Variants in TBC1D5 observed in about 807,000 individuals in gnomAD.
TBC1D5 encodes TBC1 domain family, member 5.
TBC1D5 carries 75 observed loss-of-function variants against 100.3 expected under a neutral mutation model. The ratio of observed to expected loss-of-function variants is 0.75; its 90% CI spans 0.62 to 0.91. The LOEUF (loss-of-function observed/expected upper bound fraction) is 0.91, where lower values mean the gene tolerates loss of function less well. Among genes scored for constraint, TBC1D5 ranks in the 40% least tolerant of loss-of-function variants. The pLI, the probability that TBC1D5 is intolerant of heterozygous loss-of-function variation, is 0.00. For missense variants in TBC1D5, 910 were observed against 942.4 expected, an observed-to-expected ratio of 0.97 and a Z score of 0.45; for synonymous variants, 323 against 325.6, an observed-to-expected ratio of 0.99 and a Z score of 0.09.
intron 16 of TBC1D5, among the ~76,000 whole-genome samples, chr3:17,244,345 C>T (rs542384038): frequency 1.3e-5 from 2 of 152,216 alleles, no homozygotes; most frequent in African/African-American, 4.8e-5. Flanking sequence ...GACAAAAGGA[C>T]CAAATAAGAG....
chr3:17,324,120 C>T (rs1389983801), intron 13 of TBC1D5, among the ~76,000 whole-genome samples: 1 of 152,084 alleles, frequency 6.6e-6, no homozygotes, highest in Non-Finnish European at 1.5e-5. Flanking sequence ...ACATCCACTA[C>T]AAAACAATGA....
At chr3:17,489,780 C>T (rs977456689) in intron 3 of TBC1D5, among the ~76,000 whole-genome samples, 2 of 152,144 alleles carry the variant, frequency 1.3e-5, no homozygotes, top group African/African-American at 2.4e-5. Context: ...GGGTAGATTC[C>T]ACTTCTTTGC....
intron 2 of TBC1D5, among the ~76,000 whole-genome samples, chr3:17,601,300 C>G (rs972142958): frequency 6.6e-6 from 1 of 152,104 alleles, no homozygotes; most frequent in Non-Finnish European, 1.5e-5. Context: ...CACCTGAGGT[C>G]GGGAGTTCAT....
At chr3:17,667,113 G>A (rs1180351290) in intron 1 of TBC1D5, among the ~76,000 whole-genome samples, 2 of 152,136 alleles carry the variant, frequency 1.3e-5, no homozygotes, top group Non-Finnish European at 2.9e-5. Context: ...CTAGCTGCTG[G>A]ATGAAAAGCT....
intron 1 of TBC1D5, among the ~76,000 whole-genome samples, chr3:17,728,316 TAGAA>T (rs1161616526): frequency 6.6e-6 from 1 of 152,120 alleles, no homozygotes; most frequent in African/African-American, 2.4e-5. Flanking sequence ...GCGTAAATAT[TAGAA>T]AGGAAGATGG....
chr3:17,168,422 C>T (rs2066854485), intron 19 of TBC1D5, among the ~76,000 whole-genome samples: 1 of 152,152 alleles, frequency 6.6e-6, no homozygotes, highest in Admixed American at 6.5e-5. Flanking sequence ...GTCTTTCCTC[C>T]AGGCCTGATC....
chr3:17,185,172 C>A, exon 19 of TBC1D5: 2 of 1,613,458 alleles, frequency 1.2e-6, no homozygotes, highest in Non-Finnish European at 1.7e-6. Context: ...TTCAACTGCC[C>A]TTGAAGGAAG....
At chr3:17,424,717 T>C (rs2149316892) in intron 4 of TBC1D5, among the ~76,000 whole-genome samples, 1 of 152,218 alleles carries the variant, frequency 6.6e-6, no homozygotes, top group Non-Finnish European at 1.5e-5. Context: ...AATGCAGCTG[T>C]ACTCTATCTG....
Position 17,641,240 on chromosome 3 carries a change from C to T in TBC1D5, c.-100-17327G>A, listed in dbSNP as rs74572400. On this transcript the variant is annotated intron_variant, in intron 1 of 21. Transcript: ENST00000253692. Reference sequence around the variant, plus strand: ...GCTTACTTAAATCATGCCCTTGATCCAGGAAAATCCCATGGTACCATTAAC... The same window carrying T: ...GCTTACTTAAATCATGCCCTTGATCTAGGAAAATCCCATGGTACCATTAAC... Among the ~76,000 whole-genome samples the T allele has an allele frequency of 4.5e-3, 689 of 152,076 alleles. 4 individuals are homozygous for T. The highest frequency in any genetic ancestry group is 0.016 in the African/African-American group (669 of 41,480).
chr3:17,380,633 G>A (rs758886197), intron 9 of TBC1D5, among the ~76,000 whole-genome samples: 23 of 151,948 alleles, frequency 1.5e-4, no homozygotes, highest in Non-Finnish European at 2.5e-4. Context: ...TAGATTGTTA[G>A]TAGTCACTGC....
At chr3:17,730,630 A>C (rs769159220) in intron 1 of TBC1D5, among the ~76,000 whole-genome samples, 1 of 152,230 alleles carries the variant, frequency 6.6e-6, no homozygotes, top group Non-Finnish European at 1.5e-5. Flanking sequence ...AACTACCCTC[A>C]ATGAGTCCTA....
At chr3:17,337,127 T>G (rs1354955738) in intron 13 of TBC1D5, among the ~76,000 whole-genome samples, 1 of 149,560 alleles carries the variant, frequency 6.7e-6, no homozygotes, top group South Asian at 2.1e-4. Context: ...TGAGAGGTTT[T>G]TTTTTTTTTT....
intron 3 of TBC1D5, among the ~76,000 whole-genome samples, chr3:17,462,480 T>C (rs2095232260): frequency 6.6e-6 from 1 of 151,914 alleles, no homozygotes; most frequent in South Asian, 2.1e-4. Flanking sequence ...GTCACCACAC[T>C]CAGCTAATTT....
chr3:17,480,935 G>A (rs1254166930), intron 3 of TBC1D5, among the ~76,000 whole-genome samples: 3 of 152,210 alleles, frequency 2.0e-5, no homozygotes, highest in Non-Finnish European at 2.9e-5. Context: ...GACTAAAAGA[G>A]CTATAACACA....
At chr3:17,227,848 A>G (rs2075054636) in intron 17 of TBC1D5, among the ~76,000 whole-genome samples, 1 of 135,360 alleles carries the variant, frequency 7.4e-6, no homozygotes, top group African/African-American at 2.9e-5. Context: ...AACCTAAAAT[A>G]AAAGTTTTTT....
intron 2 of TBC1D5, among the ~76,000 whole-genome samples, chr3:17,583,617 C>T (rs928147331): frequency 1.3e-5 from 2 of 152,140 alleles, no homozygotes; most frequent in South Asian, 4.1e-4. Flanking sequence ...GTCCCAGCTA[C>T]TCAGGGGGCT....
At chr3:17,476,652 G>GA (rs1219343394) in intron 3 of TBC1D5, among the ~76,000 whole-genome samples, 1 of 151,804 alleles carries the variant, frequency 6.6e-6, no homozygotes, top group Admixed American at 6.6e-5. Context: ...AATTTTGACT[G>GA]AAAAATACAC....
Position 17,281,191 on chromosome 3 carries a change from C to G in TBC1D5, c.1245+10704G>C, listed in dbSNP as rs1414939517. ...TCTTTACGTGTTTCAACCAAGACTT[C>G]TGAAAGATGGTTCCACGATGCTACT... On this transcript the variant is annotated intron_variant, in intron 15 of 21. Transcript: ENST00000253692. Among the ~76,000 whole-genome samples the G allele has an allele frequency of 3.3e-5, 5 of 152,202 alleles. No homozygotes were observed. The East Asian group carries it at 9.6e-4, about 29-fold the overall frequency.
At chr3:17,276,128 T>C (rs1426758655) in intron 15 of TBC1D5, among the ~76,000 whole-genome samples, 3 of 152,156 alleles carry the variant, frequency 2.0e-5, no homozygotes, top group Non-Finnish European at 4.4e-5. Flanking sequence ...AATTCCAGGA[T>C]AAAGGTGGCA....
Sources: allele counts gnomAD v4.1 joint callset (sites outside exome capture counted in the v4.1 genomes callset), GRCh38; gene constraint gnomAD v4.1.1; transcripts MANE v1.5; gene names NCBI Gene and HGNC (gene_info 2026-07-23, HGNC 2026-07-21).